Variants in CIRSR observed in about 807,000 individuals in gnomAD.
CIRSR encodes CBF1 (RBPJ) interacting corepressor 1.
the CIRSR span, among the ~76,000 whole-genome samples, chr2:174,385,196 C>T: frequency 7.8e-6 from 1 of 127,802 alleles, no homozygotes; most frequent in Non-Finnish European, 1.6e-5. Flanking sequence ...GCCTGGGCAA[C>T]AGAGTGAGAC....
At chr2:174,362,348 A>C in the CIRSR span, among the ~76,000 whole-genome samples, 1 of 140,230 alleles carries the variant, frequency 7.1e-6, no homozygotes, top group South Asian at 2.5e-4. Context: ...ATTATGGCAA[A>C]GTAACTAGAA....
the CIRSR span, chr2:174,387,834 C>G: frequency 7.0e-7 from 1 of 1,438,598 alleles, no homozygotes; most frequent in South Asian, 1.3e-5. Flanking sequence ...ATTAAACAAA[C>G]TTTGCTTTTC....
At chr2:174,383,087 A>G in the CIRSR span, among the ~76,000 whole-genome samples, 1 of 152,246 alleles carries the variant, frequency 6.6e-6, no homozygotes, top group Non-Finnish European at 1.5e-5. Context: ...GTACTAGTAT[A>G]TGCAATACCG....
the CIRSR span, among the ~76,000 whole-genome samples, chr2:174,388,967 G>A: frequency 1.3e-5 from 2 of 152,190 alleles, no homozygotes; most frequent in African/African-American, 2.4e-5. Context: ...GCTACCATGT[G>A]AGGAAGGACA....
the CIRSR span, among the ~76,000 whole-genome samples, chr2:174,354,477 TATA>T: frequency 1.1e-5 from 1 of 89,046 alleles, no homozygotes; most frequent in Non-Finnish European, 2.0e-5. Context: ...ATATATATAA[TATA>T]TATTATATTA....
chr2:174,360,130 A>C, the CIRSR span, among the ~76,000 whole-genome samples: 3 of 152,264 alleles, frequency 2.0e-5, no homozygotes, highest in African/African-American at 7.2e-5. Context: ...TAATGGGCGC[A>C]GCAAACCAAC....
chr2:174,374,534 CA>C, the CIRSR span, among the ~76,000 whole-genome samples: 6,356 of 152,210 alleles, frequency 0.042, 397 homozygotes, highest in African/African-American at 0.14. Context: ...ACAATTATTT[CA>C]AAAAGTAAGC....
chr2:174,395,664 G>T, the CIRSR span: 1 of 1,614,072 alleles, frequency 6.2e-7, no homozygotes, highest in Non-Finnish European at 8.5e-7. Context: ...AGATCTGTTA[G>T]CAACGTAAAC....
the CIRSR span, among the ~76,000 whole-genome samples, chr2:174,394,742 CAAAT>C: frequency 4.1e-3 from 621 of 152,224 alleles, 6 homozygotes; most frequent in African/African-American, 0.014. Context: ...GTTCTAAAAA[CAAAT>C]AAAAGCTTAG....
At chr2:174,382,942 C>T in the CIRSR span, among the ~76,000 whole-genome samples, 2 of 152,122 alleles carry the variant, frequency 1.3e-5, no homozygotes, top group East Asian at 1.9e-4. Context: ...GGATATATGA[C>T]ATGAGTATAA....
the CIRSR span, chr2:174,395,436 C>G: frequency 1.5e-5 from 16 of 1,037,546 alleles, no homozygotes; most frequent in Non-Finnish European, 2.1e-5. Flanking sequence ...GGCTTTAGGC[C>G]TAGAGAAGCG....
At chr2:174,349,201 C>CTGTG in the CIRSR span, 2 of 1,149,670 alleles carry the variant, frequency 1.7e-6, no homozygotes, top group Non-Finnish European at 1.2e-6. Flanking sequence ...CAGTAACAGA[C>CTGTG]TGTGTGAAAA....
the CIRSR span, among the ~76,000 whole-genome samples, chr2:174,383,949 A>G: frequency 2.6e-5 from 4 of 152,050 alleles, no homozygotes; most frequent in Non-Finnish European, 4.4e-5. Flanking sequence ...TTGTGTAGTC[A>G]CTGTGACAAC....
At chr2:174,379,156 G>GA in the CIRSR span, 7 of 703,940 alleles carry the variant, frequency 9.9e-6, no homozygotes, top group Non-Finnish European at 1.7e-5. Flanking sequence ...GATCTCCAGG[G>GA]AAAAAGACTC....
the CIRSR span, among the ~76,000 whole-genome samples, chr2:174,389,257 T>A: frequency 3.3e-5 from 5 of 152,174 alleles, no homozygotes; most frequent in African/African-American, 4.8e-5. Flanking sequence ...TGTGGGAAAG[T>A]ATGGAACTTC....
chr2:174,357,973 T>C, the CIRSR span, among the ~76,000 whole-genome samples: 1 of 152,202 alleles, frequency 6.6e-6, no homozygotes, highest in Non-Finnish European at 1.5e-5. Flanking sequence ...TACTGGGAAT[T>C]TTCCTGACAC....
the CIRSR span, among the ~76,000 whole-genome samples, chr2:174,356,926 TC>T: frequency 3.3e-5 from 5 of 152,326 alleles, no homozygotes; most frequent in African/African-American, 9.6e-5. Flanking sequence ...TTTATTTTTT[TC>T]ATAGAATATT....
chr2:174,350,799 T>G, the CIRSR span: 2 of 1,277,328 alleles, frequency 1.6e-6, no homozygotes, highest in East Asian at 4.7e-5. Flanking sequence ...AGGTAGTTAG[T>G]AGATAAAAAA....
the CIRSR span, among the ~76,000 whole-genome samples, chr2:174,367,023 C>A: frequency 6.6e-6 from 1 of 151,988 alleles, no homozygotes; most frequent in African/African-American, 2.4e-5. Context: ...CCAGAGAAAA[C>A]AGAAACTAAG....
Sources: allele counts gnomAD v4.1 joint callset (sites outside exome capture counted in the v4.1 genomes callset), GRCh38; gene constraint gnomAD v4.1.1; transcripts MANE v1.5; gene names NCBI Gene and HGNC (gene_info 2026-07-23, HGNC 2026-07-21).